PEX14: variants seen among roughly 807,000 people sequenced by gnomAD.
PEX14 encodes peroxisomal membrane protein PEX14.
A neutral mutation model predicts 49.5 loss-of-function variants in PEX14; 15 were observed. That is an observed-to-expected ratio of 0.30 (90% CI 0.20 to 0.47). The LOEUF (loss-of-function observed/expected upper bound fraction) is 0.47, where lower values mean the gene tolerates loss of function less well. Among genes scored for constraint, PEX14 ranks in the 20% least tolerant of loss-of-function variants. PEX14 has a pLI of 1.00. For synonymous variants in PEX14, 210 were observed against 212.7 expected, an observed-to-expected ratio of 0.99 and a Z score of 0.11; for missense variants, 398 against 494.8, an observed-to-expected ratio of 0.80 and a Z score of 1.86.
chr1:10,617,503 C>T (rs1401310078), intron 4 of PEX14, among the ~76,000 whole-genome samples: 16 of 152,146 alleles, frequency 1.1e-4, no homozygotes, highest in Admixed American at 9.8e-4. Flanking sequence ...ACTGTACCTG[C>T]GGCTTCCTTG....
chr1:10,535,805 G>A (rs2124481342), intron 2 of PEX14: 1 of 344,108 alleles, frequency 2.9e-6, no homozygotes, highest in Non-Finnish European at 5.7e-6. Context: ...GTGTGTACGT[G>A]CGCGTGGGGT....
At chr1:10,522,061 T>C (rs544466638) in intron 2 of PEX14, among the ~76,000 whole-genome samples, 4 of 152,344 alleles carry the variant, frequency 2.6e-5, no homozygotes, top group African/African-American at 9.6e-5. Flanking sequence ...AAGTCGGCTC[T>C]TGCATTACCG....
chr1:10,520,625 C>T (rs936964618), intron 2 of PEX14, among the ~76,000 whole-genome samples: 2 of 152,186 alleles, frequency 1.3e-5, no homozygotes, highest in Non-Finnish European at 2.9e-5. Context: ...ATCAAAACCA[C>T]TCTAAGTTCA....
In PEX14 at chr1:10,628,289, GC is replaced by G. The variant is rs1350342908; in HGVS notation, c.677+928del. Among the ~76,000 whole-genome samples the G allele has an allele frequency of 6.6e-6, 1 of 152,242 alleles. No homozygotes were observed. The highest frequency in any genetic ancestry group is 1.5e-5 in the Non-Finnish European group (1 of 68,042). On this transcript the variant is annotated intron_variant, in intron 8 of 8. Transcript: ENST00000356607. The surrounding 1 kb of genome is among the most constrained non-coding windows in gnomAD (Gnocchi z 4.5). ...GTCCAGGAGCCACTCTGTCCTGGGA[GC>G]CGCAACTGTGGGCCATCCTCCTGGG...
chr1:10,619,411 A>G (rs1641528316), intron 5 of PEX14, among the ~76,000 whole-genome samples: 1 of 149,264 alleles, frequency 6.7e-6, no homozygotes, highest in South Asian at 2.1e-4. Flanking sequence ...CCGCCTCCTG[A>G]GTTCAAGCAA....
At chr1:10,507,630 G>A (rs1283454538) in intron 2 of PEX14, among the ~76,000 whole-genome samples, 3 of 152,316 alleles carry the variant, frequency 2.0e-5, no homozygotes, top group East Asian at 3.9e-4. Context: ...GGCAGCAGCC[G>A]CTTGTTGTTC....
chr1:10,588,596 G>C (rs574378923), intron 3 of PEX14, among the ~76,000 whole-genome samples: 1 of 152,282 alleles, frequency 6.6e-6, no homozygotes, highest in African/African-American at 2.4e-5. Context: ...ACCTCCTGCT[G>C]TCCTACCTGA....
At chr1:10,501,924 C>G (rs561716566) in intron 2 of PEX14, among the ~76,000 whole-genome samples, 16 of 152,104 alleles carry the variant, frequency 1.1e-4, no homozygotes, top group African/African-American at 3.9e-4. Flanking sequence ...ACCCACCCCC[C>G]TGCCCAAACA....
chr1:10,534,504 C>A (rs901674746), intron 2 of PEX14, among the ~76,000 whole-genome samples: 2 of 152,018 alleles, frequency 1.3e-5, no homozygotes, highest in African/African-American at 4.8e-5. Context: ...CTTCTCCTAT[C>A]TCTTCATTAA....
intron 2 of PEX14, among the ~76,000 whole-genome samples, chr1:10,518,148 T>TA (rs984258638): frequency 8.6e-5 from 13 of 151,072 alleles, no homozygotes; most frequent in Non-Finnish European, 1.6e-4. Flanking sequence ...CTCCTCTCCT[T>TA]AAAAAAAAAG....
chr1:10,618,644 T>C (rs1387273440), intron 5 of PEX14, among the ~76,000 whole-genome samples: 2 of 146,844 alleles, frequency 1.4e-5, no homozygotes, highest in Admixed American at 1.3e-4. Context: ...GCTCAGCATA[T>C]ACCACCCAGA....
intron 3 of PEX14, among the ~76,000 whole-genome samples, chr1:10,552,861 C>G (rs1639375428): frequency 6.6e-6 from 1 of 151,982 alleles, no homozygotes; most frequent in Non-Finnish European, 1.5e-5. Context: ...TTATCCGAGC[C>G]CTGCAAGAGG....
chr1:10,589,666 G>A (rs1444198425), intron 3 of PEX14, among the ~76,000 whole-genome samples: 1 of 152,132 alleles, frequency 6.6e-6, no homozygotes, highest in African/African-American at 2.4e-5. Flanking sequence ...GCCCGCCTTG[G>A]CCTCCCAAAG....
chr1:10,598,889 T>A (rs955426923), intron 3 of PEX14, among the ~76,000 whole-genome samples: 8 of 151,882 alleles, frequency 5.3e-5, no homozygotes, highest in Non-Finnish European at 1.0e-4. Context: ...CTTTTTTTTT[T>A]AACACCATTA....
intron 1 of PEX14, among the ~76,000 whole-genome samples, chr1:10,476,928 GA>G (rs1641205671): frequency 1.3e-5 from 2 of 152,106 alleles, no homozygotes; most frequent in Admixed American, 6.6e-5. Context: ...GTATTTAATA[GA>G]AAAGGATCTA....
intron 3 of PEX14, among the ~76,000 whole-genome samples, chr1:10,564,760 G>A (rs1174358590): frequency 6.6e-6 from 1 of 151,776 alleles, no homozygotes; most frequent in Non-Finnish European, 1.5e-5. Flanking sequence ...TAGTTTTCTA[G>A]TAAACTTCTC....
In PEX14 at chr1:10,529,868, G is replaced by A. The variant is rs150317916; in HGVS notation, c.85-6345G>A. 6.0e-3 allele frequency among the ~76,000 whole-genome samples: 907 copies of A among 152,296 alleles called. 10 individuals carry two copies. The highest frequency in any genetic ancestry group is 0.021 in the African/African-American group (852 of 41,550). On this transcript the variant is annotated intron_variant, in intron 2 of 8. Coordinates refer to ENST00000356607, the MANE Select transcript of PEX14 (RefSeq NM_004565.3). This position sits in a 1 kb window ranked among gnomAD's most constrained non-coding sequence, Gnocchi z 4.2. Reference sequence around the variant, plus strand: ...AAACAAAGGAAATTAGGGCCCACAAGCTTAATTAGTATAGTGTTGTAACCC... The same window carrying A: ...AAACAAAGGAAATTAGGGCCCACAAACTTAATTAGTATAGTGTTGTAACCC...
At chr1:10,599,194 C>G in intron 3 of PEX14, 44 bp from the exon 4 acceptor site, 2 of 1,607,634 alleles carry the variant, frequency 1.2e-6, no homozygotes, top group Non-Finnish European at 1.7e-6. Flanking sequence ...GCTATGGACA[C>G]TGACAAAAGG....
chr1:10,630,206 C>G lies in PEX14; in HGVS notation c.*219C>G, dbSNP rs923149529. On this transcript the variant is annotated 3_prime_UTR_variant, in exon 9 of 9. Coordinates refer to ENST00000356607, the MANE Select transcript of PEX14 (RefSeq NM_004565.3). This position sits in a 1 kb window ranked among gnomAD's most constrained non-coding sequence, Gnocchi z 4.1. ...CCGCCAGCCCCAGCCCCAGCCCCAG[C>G]CCCAGGCCCAGCTGCCTTTGGCTTT... The G allele has an allele frequency of 2.0e-5, 14 of 703,198 alleles. No homozygotes were observed. Among genetic ancestry groups the G allele is most frequent in the Non-Finnish European group, 3.0e-5 (13 of 434,232 alleles). The allele number at this position is 703,198 out of a possible 1,614,324, so 43.6% of individuals were successfully genotyped here. A position where few individuals can be genotyped will look rare whatever the true frequency, so the allele number is the denominator to read the frequency against.
Sources: gnomAD v4.1 joint callset for allele counts (sites outside exome capture counted in the v4.1 genomes callset) on GRCh38, gnomAD v4.1.1 for gene constraint, Gnocchi (gnomAD v3.1) non-coding constraint, MANE v1.5 for transcripts, NCBI Gene and HGNC (gene_info 2026-07-23, HGNC 2026-07-21) for gene names.